Variants in CCDC30 observed in about 807,000 individuals in gnomAD.
CCDC30 encodes coiled-coil domain containing 30, also known as coiled-coil domain-containing protein 30.
CCDC30 carries 70 observed loss-of-function variants against 100.2 expected under a neutral mutation model. That is an observed-to-expected ratio of 0.70 (90% confidence interval 0.58 to 0.85). The LOEUF is 0.85. Ranked by LOEUF, CCDC30 falls within the 40% of genes least tolerant of loss-of-function variation. CCDC30 has a pLI of 0.00. For missense variants in CCDC30, 652 were observed against 771.2 expected (o/e 0.85, Z 1.83); for synonymous variants, 233 against 269.5 (o/e 0.86, Z 1.33).
intron 12 of CCDC30, among the ~76,000 whole-genome samples, chr1:42,639,216 T>C (rs536055637): frequency 6.6e-6 from 1 of 151,198 alleles, no homozygotes; most frequent in East Asian, 1.9e-4. Flanking sequence ...ATGATTGCTG[T>C]CCTTATAGGA....
chr1:42,483,916 T>TG (rs1005945611), intron 3 of CCDC30, among the ~76,000 whole-genome samples: 99 of 152,126 alleles, frequency 6.5e-4, no homozygotes, highest in African/African-American at 2.2e-3. Flanking sequence ...CCCCTGGTTT[T>TG]GGGGGGGTAC....
At chr1:42,459,618 G>A (rs1643350131), upstream of CCDC30, 1 of 1,613,344 alleles carries the variant, frequency 6.2e-7, no homozygotes, top group Non-Finnish European at 8.5e-7. Flanking sequence ...AATGAAGATG[G>A]TGCCAAAACT....
intron 6 of CCDC30, among the ~76,000 whole-genome samples, chr1:42,546,712 A>G (rs886275298): frequency 2.2e-4 from 33 of 151,774 alleles, no homozygotes; most frequent in Non-Finnish European, 3.8e-4. Context: ...TTATTTATCT[A>G]TCTATCTGTC....
At chr1:42,491,830 G>A in intron 4 of CCDC30, 2 of 343,542 alleles carry the variant, frequency 5.8e-6, no homozygotes, top group Non-Finnish European at 1.1e-5. Flanking sequence ...AAAGATTGGT[G>A]TGATGTAAAA....
chr1:42,617,250 G>A (rs958515162), intron 11 of CCDC30, among the ~76,000 whole-genome samples: 26 of 152,076 alleles, frequency 1.7e-4, no homozygotes, highest in Admixed American at 1.6e-3. Flanking sequence ...ACCAGCCTAG[G>A]GAACGAAGTG....
At chr1:42,524,509 T>C (rs1317833734) in intron 6 of CCDC30, among the ~76,000 whole-genome samples, 1 of 152,172 alleles carries the variant, frequency 6.6e-6, no homozygotes, top group Non-Finnish European at 1.5e-5. Flanking sequence ...GGGAGGGGCT[T>C]GCAACAATGG....
intron 6 of CCDC30, among the ~76,000 whole-genome samples, chr1:42,557,431 T>C (rs2148552678): frequency 6.6e-6 from 1 of 152,138 alleles, no homozygotes; most frequent in Non-Finnish European, 1.5e-5. Flanking sequence ...CAGTGGACAT[T>C]GGCCAGTGTG....
chr1:42,642,027 C>T (rs561241774), intron 12 of CCDC30, among the ~76,000 whole-genome samples: 12 of 151,962 alleles, frequency 7.9e-5, no homozygotes, highest in Non-Finnish European at 1.6e-4. Flanking sequence ...AGATCGAGAC[C>T]ATCCTGGCTA....
intron 6 of CCDC30, among the ~76,000 whole-genome samples, chr1:42,507,544 A>G (rs941318342): frequency 1.3e-5 from 2 of 152,182 alleles, no homozygotes; most frequent in African/African-American, 2.4e-5. Flanking sequence ...TTACATTTCC[A>G]TACTTTCTTA....
chr1:42,531,900 G>A, intron 6 of CCDC30, among the ~76,000 whole-genome samples: 1 of 152,146 alleles, frequency 6.6e-6, no homozygotes. Flanking sequence ...AATTCAGAGA[G>A]GGTAGGTATT....
intron 6 of CCDC30, chr1:42,500,388 G>T: frequency 8.1e-7 from 1 of 1,230,110 alleles, no homozygotes; most frequent in Non-Finnish European, 1.2e-6. Context: ...AGCGAAGTCT[G>T]GTCTGCGCAG....
Position 42,502,325 on chromosome 1 carries a change from A to C in CCDC30, c.456+3409A>C, listed in dbSNP as rs563044464. On this transcript the variant is annotated intron_variant, in intron 6 of 16. Coordinates refer to ENST00000668663, the Ensembl canonical transcript of CCDC30. Reference sequence around the variant, plus strand: ...GTGTGCCATTTGCTAAGACCATTGGAAAAGCACAGTATTAGGGTGGGAGTG... The same window carrying C: ...GTGTGCCATTTGCTAAGACCATTGGCAAAGCACAGTATTAGGGTGGGAGTG... Among the ~76,000 whole-genome samples the C allele has an allele frequency of 5.3e-5, 8 of 152,202 alleles. No individual in the cohort carries two copies. In the South Asian group the frequency reaches 1.7e-3, roughly 32 times the overall value.
intron 10 of CCDC30, among the ~76,000 whole-genome samples, chr1:42,601,383 C>G (rs570034116): frequency 2.6e-5 from 4 of 152,244 alleles, no homozygotes; most frequent in African/African-American, 9.6e-5. Context: ...ACTAACAACC[C>G]CAGCCCACAA....
chr1:42,566,223 G>T, intron 6 of CCDC30, 73 bp from the exon 11 acceptor site: 1 of 1,204,216 alleles, frequency 8.3e-7, no homozygotes, highest in South Asian at 1.5e-5. Flanking sequence ...TTCCGGTTCT[G>T]ACAACTTGAA....
At chr1:42,490,290 C>T in intron 4 of CCDC30, 61 bp downstream of exon 4, 3 of 767,946 alleles carry the variant, frequency 3.9e-6, no homozygotes, top group Non-Finnish European at 5.3e-6. Flanking sequence ...TGGTACACGC[C>T]TGCAGTCCCA....
intron 6 of CCDC30, among the ~76,000 whole-genome samples, chr1:42,528,266 T>G (rs1644753550): frequency 6.6e-6 from 1 of 152,226 alleles, no homozygotes. Flanking sequence ...AGAGAAATAT[T>G]TTTCCAAAGA....
downstream of CCDC30, among the ~76,000 whole-genome samples, chr1:42,656,866 G>A (rs144785328): frequency 6.6e-5 from 10 of 152,096 alleles, no homozygotes; most frequent in Non-Finnish European, 1.3e-4. Flanking sequence ...TTTCACTAGA[G>A]GTTTATCAAT....
At position 42,486,966 on chromosome 1, in the gene CCDC30, T is replaced by C. The variant is rs923209195; in HGVS notation, c.170-3192T>C. Among the ~76,000 whole-genome samples the C allele has an allele frequency of 5.3e-5, 8 of 152,072 alleles. No homozygotes were observed. In the South Asian group the frequency reaches 1.7e-3, roughly 31 times the overall value. ...GAAATGTACATAAAAGGCAATCCTATAGAGATAGGAAGTAGATTGGCATAG... is the reference window on the plus strand; with the variant it reads ...GAAATGTACATAAAAGGCAATCCTACAGAGATAGGAAGTAGATTGGCATAG... On this transcript the variant is annotated intron_variant, in intron 3 of 16. Transcript: ENST00000668663.
At chr1:42,646,369 G>A in intron 15 of CCDC30, 52 bp downstream of exon 19, 1 of 1,351,760 alleles carries the variant, frequency 7.4e-7, no homozygotes, top group South Asian at 2.1e-5. Context: ...CATTCTGCCA[G>A]GCACCCACTG....
Sources: gnomAD v4.1 joint callset for allele counts (sites outside exome capture counted in the v4.1 genomes callset) on GRCh38, gnomAD v4.1.1 for gene constraint, MANE v1.5 for transcripts, NCBI Gene and HGNC (gene_info 2026-07-23, HGNC 2026-07-21) for gene names.